SLC25A36: variants seen among roughly 807,000 people sequenced by gnomAD.
The protein encoded by SLC25A36 is epididymis secretory sperm binding protein.
SLC25A36 carries 24 observed loss-of-function variants against 35.3 expected under a neutral mutation model. The ratio of observed to expected loss-of-function variants is 0.68; its 90% confidence interval spans 0.49 to 0.96. The LOEUF is 0.96. SLC25A36 is among the 40% of genes least tolerant of loss of function. The probability of loss-of-function intolerance (pLI) is 0.00; values close to 1 mark genes in which losing one functional copy is unlikely to be tolerated. For synonymous variants in SLC25A36, 141 were observed against 132.2 expected, an observed-to-expected ratio of 1.07 and a Z score of -0.46; for missense variants, 294 against 381.1, an observed-to-expected ratio of 0.77 and a Z score of 1.90.
chr3:140,980,825 C>A lies in SLC25A36; in HGVS notation c.*4372C>A, dbSNP rs556613543. The stretch of plus-strand genomic sequence containing the variant: ...AAGCGATTCTGCCTCAGCCTGACTT[C>A]CCTTCTGTTTCTTTATTTTCGCACT... On this transcript the variant is annotated 3_prime_UTR_variant, in exon 7 of 7. Transcript: ENST00000324194. Among the ~76,000 whole-genome samples, 1 of 151,492 alleles carries A rather than the reference C, an allele frequency of 6.6e-6. No homozygotes were observed. Among genetic ancestry groups the A allele is most frequent in the Admixed American group, 6.6e-5 (1 of 15,114 alleles).
rs1478067694 is a variant in SLC25A36, at chr3:140,979,999, T to A, written c.*3546T>A. On this transcript the variant is annotated 3_prime_UTR_variant, in exon 7 of 7. Transcript: ENST00000324194. ...GAGAACATAATCACACTTTTTTGGATTATCCTATGTGTGGAACAAAAATCC... is the reference window on the plus strand; with the variant it reads ...GAGAACATAATCACACTTTTTTGGAATATCCTATGTGTGGAACAAAAATCC... 1 of 152,208 alleles carries A rather than the reference T, an allele frequency of 6.6e-6. No homozygotes were observed. Among genetic ancestry groups the A allele is most frequent in the African/African-American group, 2.4e-5 (1 of 41,458 alleles). 9.4% of individuals were successfully genotyped at this position (152,208 alleles called of 1,614,324 possible).
At chr3:140,951,003 C>G (rs1934309750) in intron 1 of SLC25A36, among the ~76,000 whole-genome samples, 1 of 151,948 alleles carries the variant, frequency 6.6e-6, no homozygotes, top group African/African-American at 2.4e-5. Context: ...GCAGCCAGTC[C>G]TGTTTTCAGT....
At chr3:140,966,674 TAAGG>T in intron 4 of SLC25A36, 1 of 335,152 alleles carries the variant, frequency 3.0e-6, no homozygotes, top group Non-Finnish European at 5.9e-6. Flanking sequence ...ATTTTTTCTT[TAAGG>T]CAGAATTGAT....
At chr3:140,971,464 A>G (rs1482215229) in intron 5 of SLC25A36, among the ~76,000 whole-genome samples, 2 of 152,190 alleles carry the variant, frequency 1.3e-5, no homozygotes, top group Non-Finnish European at 2.9e-5. Flanking sequence ...ACCACTGACC[A>G]CTTTATAATA....
intron 2 of SLC25A36, among the ~76,000 whole-genome samples, chr3:140,957,858 C>G (rs1378180518): frequency 6.6e-6 from 1 of 152,144 alleles, no homozygotes; most frequent in African/African-American, 2.4e-5. Context: ...TAAAATTCTT[C>G]TTTTGACCTC....
In SLC25A36 at chr3:140,961,067, C is replaced by G. The variant is rs1934614524; in HGVS notation, c.284+1527C>G. ...TTCATATTTAGAGTGAAAATGCTTT[C>G]TGTATCCAAACCATGTACCAGATCC... On this transcript the variant is annotated intron_variant, in intron 3 of 6. Transcript: ENST00000324194. Among the ~76,000 whole-genome samples the G allele has an allele frequency of 2.0e-5, 3 of 152,286 alleles. No individual in the cohort carries two copies. The South Asian group carries it at 6.2e-4, about 32-fold the overall frequency.
rs75174363 is a variant in SLC25A36, at chr3:140,956,506, CTTTTTT to C, written c.42-8_42-3del. 2.2e-5 allele frequency: 31 copies of C among 1,424,766 alleles called. No homozygotes were observed. Among genetic ancestry groups the C allele is most frequent in the South Asian group, 6.3e-5 (4 of 63,612 alleles). 88.3% of individuals were successfully genotyped at this position (1,424,766 alleles called of 1,614,324 possible). On this transcript the variant is annotated splice_polypyrimidine_tract_variant and intron_variant, in intron 1 of 6. Coordinates refer to ENST00000324194, the MANE Select transcript of SLC25A36 (RefSeq NM_001104647.3). ...ATGAATTAAGTAGATAAGCTGTGTT[CTTTTTT>C]TTTTTTTTTTTTAGATGTGGTGGTA...
chr3:140,948,812 A>G (rs1216373889), intron 1 of SLC25A36, among the ~76,000 whole-genome samples: 1 of 152,186 alleles, frequency 6.6e-6, no homozygotes, highest in Non-Finnish European at 1.5e-5. Context: ...AGCCAGATCT[A>G]GTGGTTCAGC....
intron 1 of SLC25A36, among the ~76,000 whole-genome samples, chr3:140,955,910 G>A (rs1934467563): frequency 6.6e-6 from 1 of 152,156 alleles, no homozygotes; most frequent in Non-Finnish European, 1.5e-5. Context: ...TGCCCAGGCT[G>A]ATGTCAAACT....
chr3:140,967,534 G>T (rs767295317), intron 4 of SLC25A36, among the ~76,000 whole-genome samples: 41 of 151,838 alleles, frequency 2.7e-4, no homozygotes, highest in Non-Finnish European at 5.2e-4. Flanking sequence ...ACTTTTAAAA[G>T]TGGTGTTAAT....
chr3:140,973,944 G>A lies in SLC25A36; in HGVS notation c.681G>A (p.Val227=). ...CTGTGAAAGAAGCATCAGATTTTGT[G>A]GGAATGATGCTAGCTGCTGCCACCT... is the stretch of plus-strand genomic sequence containing the variant. ...EESVKEASDF[V]GMMLAAATSK... is the part of the protein sequence containing the mutation. Residue 227 remains valine (V), a synonymous_variant, in exon 6 of 7, where the codon GTG becomes GTA. Coordinates refer to ENST00000324194, the MANE Select transcript of SLC25A36 (RefSeq NM_001104647.3). The A allele has an allele frequency of 6.2e-7, 1 of 1,606,278 alleles. No homozygotes were observed. Among genetic ancestry groups the A allele is most frequent in the Non-Finnish European group, 8.5e-7 (1 of 1,174,930 alleles).
At position 140,968,678 on chromosome 3, in the gene SLC25A36, T is replaced by C. The variant is rs1934825522; in HGVS notation, c.386-2249T>C. On this transcript the variant is annotated intron_variant, in intron 4 of 6. Transcript: ENST00000324194. Reference sequence around the variant, plus strand: ...AAAGTTTTTTATATATGGGTTTTTTTCCAGCCTCAAATTCTTTTGTGACTT... The same window carrying C: ...AAAGTTTTTTATATATGGGTTTTTTCCCAGCCTCAAATTCTTTTGTGACTT... 10 of 983,392 alleles carry C rather than the reference T, an allele frequency of 1.0e-5. No individual in the cohort carries two copies. In the South Asian group the frequency reaches 1.4e-4, roughly 14 times the overall value. 60.9% of individuals were successfully genotyped at this position (983,392 alleles called of 1,614,324 possible). A position where few individuals can be genotyped will look rare whatever the true frequency, so the allele number is the denominator to read the frequency against.
intron 5 of SLC25A36, chr3:140,972,941 A>G (rs1185507272): frequency 1.3e-5 from 2 of 152,166 alleles, no homozygotes; most frequent in African/African-American, 4.8e-5. Context: ...TCTCTTATAG[A>G]TAAGGACCTG....
At chr3:140,968,284 TA>T in intron 4 of SLC25A36, 2 of 819,736 alleles carry the variant, frequency 2.4e-6, no homozygotes, top group Non-Finnish European at 1.5e-6. Context: ...GGCTAATAGC[TA>T]AAACTGTGGA....
Position 140,949,325 on chromosome 3 carries a change from A to G in SLC25A36, c.42-7202A>G, listed in dbSNP as rs183751552. Among the ~76,000 whole-genome samples, 411 of 152,366 alleles carry G rather than the reference A, an allele frequency of 2.7e-3. 7 individuals are homozygous for G. The highest frequency in any genetic ancestry group is 9.5e-3 in the African/African-American group (396 of 41,582). Reference sequence around the variant, plus strand: ...AGCATCTGCAGTATTACCATAGGCTAGAGATGTGTCCACATTCCAGTAAAT... The same window carrying G: ...AGCATCTGCAGTATTACCATAGGCTGGAGATGTGTCCACATTCCAGTAAAT... On this transcript the variant is annotated intron_variant, in intron 1 of 6. Coordinates refer to ENST00000324194, the MANE Select transcript of SLC25A36 (RefSeq NM_001104647.3).
intron 4 of SLC25A36, chr3:140,968,055 G>GT: frequency 1.0e-6 from 1 of 984,900 alleles, no homozygotes; most frequent in African/African-American, 1.7e-5. Context: ...GTAGTGGGAA[G>GT]ATATGTTTAG....
intron 2 of SLC25A36, among the ~76,000 whole-genome samples, chr3:140,958,802 G>A (rs114149993): frequency 0.012 from 1,767 of 151,944 alleles, 14 homozygotes; most frequent in South Asian, 0.019. Flanking sequence ...TAAGGAAATC[G>A]AAGATAAGAG....
chr3:140,951,347 T>A (rs1352141475), intron 1 of SLC25A36, among the ~76,000 whole-genome samples: 1 of 152,230 alleles, frequency 6.6e-6, no homozygotes, highest in Non-Finnish European at 1.5e-5. Context: ...TATTTTTAAA[T>A]TGCAGCAAGA....
At chr3:140,975,985 C>G (rs1376123746) in intron 6 of SLC25A36, among the ~76,000 whole-genome samples, 6 of 152,072 alleles carry the variant, frequency 3.9e-5, no homozygotes, top group East Asian at 3.8e-4. Flanking sequence ...TTCCTTTTAT[C>G]TGTTTATCTA....
Sources: gnomAD v4.1 joint callset for allele counts (sites outside exome capture counted in the v4.1 genomes callset) on GRCh38, gnomAD v4.1.1 for gene constraint, MANE v1.5 for transcripts, NCBI Gene and HGNC (gene_info 2026-07-23, HGNC 2026-07-21) for gene names.